ZFHX3: variants seen among roughly 807,000 people sequenced by gnomAD.
ZFHX3 encodes the protein zinc finger homeobox 3, also known as zinc finger homeobox protein 3.
In ZFHX3, 42 loss-of-function variants were observed where a neutral mutation model predicts 279.1. The ratio of observed to expected loss-of-function variants is 0.15; its 90% confidence interval spans 0.12 to 0.19. ZFHX3 has a LOEUF of 0.19. Ranked by LOEUF, ZFHX3 falls within the 10% of genes least tolerant of loss-of-function variation. The pLI is 1.00. For missense variants in ZFHX3, 4,981 were observed against 4,754.0 expected (o/e 1.05, Z -1.40); for synonymous variants, 2,293 against 1,957.8 (o/e 1.17, Z -4.52).
intron 3 of ZFHX3, among the ~76,000 whole-genome samples, chr16:72,949,070 T>C (rs538472513): frequency 1.3e-5 from 2 of 152,304 alleles, no homozygotes; most frequent in African/African-American, 2.4e-5. Flanking sequence ...TTCTCCTCCT[T>C]TCCCTAAAGT....
chr16:73,033,701 C>T lies in ZFHX3; in HGVS notation c.-50+14051G>A, dbSNP rs142244201. 4.0e-3 allele frequency among the ~76,000 whole-genome samples: 603 copies of T among 152,250 alleles called. 6 individuals are homozygous for T. The highest frequency in any genetic ancestry group is 0.013 in the African/African-American group (551 of 41,536). Reference sequence around the variant, plus strand: ...AGGAGGCCAGCCTGTTAAAGGAATTCGATACCTCCCTCCCTCCAAACCCAA... The same window carrying T: ...AGGAGGCCAGCCTGTTAAAGGAATTTGATACCTCCCTCCCTCCAAACCCAA... On this transcript the variant is annotated intron_variant, in intron 1 of 9. Transcript: ENST00000268489.
chr16:72,978,691 C>G (rs1213515704), intron 1 of ZFHX3, among the ~76,000 whole-genome samples: 1 of 152,220 alleles, frequency 6.6e-6, no homozygotes, highest in East Asian at 1.9e-4. Context: ...CTATGGATTA[C>G]AGCAAAGTCT....
rs1017137881 is a variant in ZFHX3, at chr16:73,202,647, C to A, written c.-1104+54400G>T. ...AAGATGGACTTCGGCCCCAGTCTAG[C>A]TTTCCAGGCTCACCTCTCTGCTACC... On this transcript the variant is annotated intron_variant, in intron 5 of 17. Transcript: ENST00000641206. Among the ~76,000 whole-genome samples the A allele has an allele frequency of 3.9e-5, 6 of 152,312 alleles. No homozygotes were observed. In the East Asian group the frequency reaches 1.2e-3, roughly 29 times the overall value.
chr16:73,267,359 C>T (rs768134783), intron 4 of ZFHX3, among the ~76,000 whole-genome samples: 2 of 152,162 alleles, frequency 1.3e-5, no homozygotes, highest in East Asian at 3.9e-4. Flanking sequence ...ATGGCCACCC[C>T]CAACTATGAT....
intron 3 of ZFHX3, among the ~76,000 whole-genome samples, chr16:73,425,227 A>G (rs1479077557): frequency 6.6e-6 from 1 of 152,176 alleles, no homozygotes; most frequent in African/African-American, 2.4e-5. Flanking sequence ...TACTTTGTAG[A>G]CATCTATCTC....
chr16:73,316,152 C>T (rs1174223822), intron 4 of ZFHX3, among the ~76,000 whole-genome samples: 1 of 152,196 alleles, frequency 6.6e-6, no homozygotes, highest in African/African-American at 2.4e-5. Flanking sequence ...ACCCAAACCT[C>T]AGGTGTTCTA....
intron 2 of ZFHX3, among the ~76,000 whole-genome samples, chr16:73,482,611 T>C (rs2018889565): frequency 6.6e-6 from 1 of 152,208 alleles, no homozygotes; most frequent in South Asian, 2.1e-4. Context: ...AGAGTGAAGC[T>C]GCCTGCCACC....
At chr16:73,181,446 G>T (rs775446672) in intron 5 of ZFHX3, among the ~76,000 whole-genome samples, 3 of 152,128 alleles carry the variant, frequency 2.0e-5, no homozygotes, top group Non-Finnish European at 2.9e-5. Context: ...CTGTCTGTGG[G>T]ATTAGGACCA....
rs1406123157 is a variant in ZFHX3, at chr16:73,546,731, CTGCTGT to C, written c.-1546-90479_-1546-90474del. Among the ~76,000 whole-genome samples the C allele has an allele frequency of 1.4e-4, 20 of 138,850 alleles. No individual in the cohort carries two copies. The South Asian group carries it at 2.8e-3, about 19-fold the overall frequency. 91.1% of individuals were successfully genotyped at this position (138,850 alleles called of 152,430 possible). A position where few individuals can be genotyped will look rare whatever the true frequency, so the allele number is the denominator to read the frequency against. On this transcript the variant is annotated intron_variant, in intron 2 of 17. Coordinates refer to the ZFHX3 transcript ENST00000641206. ...GCTGCTGCTGCTGCTGCTGCTGCTG[CTGCTGT>C]TGCTTCTTTTTCGGCTTCTTCTTCT...
chr16:73,783,495 C>T (rs986753545), intron 1 of ZFHX3, among the ~76,000 whole-genome samples: 1 of 152,164 alleles, frequency 6.6e-6, no homozygotes, highest in African/African-American at 2.4e-5. Flanking sequence ...TTAAGGTGGA[C>T]AACAGTCAAA....
intron 2 of ZFHX3, among the ~76,000 whole-genome samples, chr16:73,651,576 G>A (rs762387262): frequency 1.9e-4 from 28 of 149,688 alleles, no homozygotes; most frequent in Non-Finnish European, 3.0e-4. Flanking sequence ...GGTGGCTCAC[G>A]CCTGTAATCC....
At chr16:73,557,094 CAAAAAA>C (rs397766441) in intron 2 of ZFHX3, among the ~76,000 whole-genome samples, 3 of 68,552 alleles carry the variant, frequency 4.4e-5, no homozygotes, top group African/African-American at 2.2e-4. Context: ...GACTCCGTCT[CAAAAAA>C]AAAAAAAAAA....
intron 3 of ZFHX3, among the ~76,000 whole-genome samples, chr16:73,349,625 C>T (rs1442279496): frequency 4.5e-5 from 2 of 44,526 alleles, no homozygotes; most frequent in African/African-American, 1.5e-4. Context: ...TCCCTCCCTT[C>T]CTCCCTCCCT....
At chr16:72,861,737 G>A (rs2037894456) in intron 4 of ZFHX3, among the ~76,000 whole-genome samples, 1 of 152,302 alleles carries the variant, frequency 6.6e-6, no homozygotes, top group African/African-American at 2.4e-5. Context: ...AGAACCCGCT[G>A]GGCATGGTGG....
At chr16:73,453,086 A>G (rs2018306433) in intron 3 of ZFHX3, among the ~76,000 whole-genome samples, 1 of 133,670 alleles carries the variant, frequency 7.5e-6, no homozygotes, top group African/African-American at 2.9e-5. Context: ...ATGCTAAATT[A>G]TAAACTCTAA....
At position 73,105,432 on chromosome 16, in the gene ZFHX3, TACACACACACAC is replaced by T. The variant is rs35101079; in HGVS notation, c.-896-11846_-896-11835del. On this transcript the variant is annotated intron_variant, in intron 7 of 17. Transcript: ENST00000641206. ...ATACACACACACATATATATATATA[TACACACACACAC>T]ATATATATATATATTTTTTCCCCCA... Among the ~76,000 whole-genome samples, 5 of 117,072 alleles carry T rather than the reference TACACACACACAC, an allele frequency of 4.3e-5. 1 individual carries two copies. Among genetic ancestry groups the T allele is most frequent in the Admixed American group, 8.6e-5 (1 of 11,590 alleles). The allele number at this position is 117,072 out of a possible 152,430, so 76.8% of individuals were successfully genotyped here. A position where few individuals can be genotyped will look rare whatever the true frequency, so the allele number is the denominator to read the frequency against.
chr16:73,411,457 A>C (rs1187832477), intron 3 of ZFHX3, among the ~76,000 whole-genome samples: 1 of 152,208 alleles, frequency 6.6e-6, no homozygotes, highest in Non-Finnish European at 1.5e-5. Context: ...ATGGCCATCA[A>C]ATGGGAATAT....
chr16:72,963,892 C>A (rs139765186), intron 1 of ZFHX3, among the ~76,000 whole-genome samples: 1 of 152,254 alleles, frequency 6.6e-6, no homozygotes, highest in East Asian at 1.9e-4. Flanking sequence ...TGTTAATTAG[C>A]ACAGGGTTAA....
chr16:72,845,380 C>T, intron 4 of ZFHX3, among the ~76,000 whole-genome samples: 1 of 152,186 alleles, frequency 6.6e-6, no homozygotes, highest in Non-Finnish European at 1.5e-5. Flanking sequence ...CTCAGTTCAT[C>T]AGCACAGTGC....
Sources: gnomAD v4.1 joint callset for allele counts (sites outside exome capture counted in the v4.1 genomes callset) on GRCh38, gnomAD v4.1.1 for gene constraint, MANE v1.5 for transcripts, NCBI Gene and HGNC (gene_info 2026-07-23, HGNC 2026-07-21) for gene names.